UBAP2L: variants seen among roughly 807,000 people sequenced by gnomAD.
UBAP2L encodes ubiquitin associated protein 2 like, also known as ubiquitin-associated protein 2-like.
Under a neutral mutation model 130.6 loss-of-function variants are expected in UBAP2L, and 12 were observed. That is an observed-to-expected ratio of 0.09 (90% CI 0.06 to 0.15). The LOEUF (loss-of-function observed/expected upper bound fraction) is 0.15. Ranked by LOEUF, UBAP2L falls within the 10% of genes least tolerant of loss-of-function variation. The probability of loss-of-function intolerance (pLI) is 1.00; values close to 1 mark genes in which losing one functional copy is unlikely to be tolerated. For missense variants in UBAP2L, 965 were observed against 1,332.5 expected (o/e 0.72, Z 4.29); for synonymous variants, 503 against 524.7 (o/e 0.96, Z 0.57).
intron 16 of UBAP2L, 57 bp downstream of exon 16, chr1:154,254,947 G>T: frequency 6.4e-7 from 1 of 1,566,620 alleles, no homozygotes; most frequent in South Asian, 1.2e-5. Flanking sequence ...TCTTAAAATG[G>T]TGATAATCCA....
In UBAP2L at chr1:154,262,974, C is replaced by G. The variant is rs1237029881; in HGVS notation, c.2902+1277C>G. 11 of 857,922 alleles carry G rather than the reference C, an allele frequency of 1.3e-5. No individual in the cohort carries two copies. In the South Asian group the frequency reaches 2.0e-4, roughly 15 times the overall value. 53.1% of individuals were successfully genotyped at this position (857,922 alleles called of 1,614,324 possible). A position where few individuals can be genotyped will look rare whatever the true frequency, so the allele number is the denominator to read the frequency against. On this transcript the variant is annotated intron_variant, in intron 24 of 26. Transcript: ENST00000428931. ...AATTGGCATACCTGATTCTAGAAAT[C>G]CCACCTTCTTGCCTCCCTTCAGAAT...
intron 22 of UBAP2L, among the ~76,000 whole-genome samples, chr1:154,260,615 G>A (rs1467627167): frequency 2.0e-5 from 3 of 152,220 alleles, no homozygotes; most frequent in East Asian, 3.8e-4. Flanking sequence ...AGATGAAAGA[G>A]AACACAAGTG....
intron 25 of UBAP2L, 41 bp downstream of exon 25, chr1:154,266,609 C>T (rs1325438882): frequency 2.5e-6 from 4 of 1,594,488 alleles, no homozygotes; most frequent in Admixed American, 3.3e-5. Flanking sequence ...AAGAGATAGA[C>T]ATAGAGGAGG....
At chr1:154,267,402 C>T (rs891422087) in intron 25 of UBAP2L, among the ~76,000 whole-genome samples, 3 of 151,946 alleles carry the variant, frequency 2.0e-5, no homozygotes, top group East Asian at 3.9e-4. Context: ...GATCTGCCCA[C>T]CTTGGCCTCC....
intron 15 of UBAP2L, 162 bp from the exon 16 acceptor site, chr1:154,254,674 T>C (rs1016530718): frequency 1.3e-6 from 1 of 783,122 alleles, no homozygotes; most frequent in African/African-American, 1.8e-5. Context: ...CTATTTTGGT[T>C]TTTTGGATAG....
intron 25 of UBAP2L, among the ~76,000 whole-genome samples, chr1:154,267,953 G>A (rs1173311856): frequency 1.1e-4 from 14 of 132,284 alleles, no homozygotes; most frequent in Admixed American, 4.1e-4. Context: ...GTAATGGTGC[G>A]ATCTGGGCTC....
chr1:154,245,182 C>T (rs931551059), intron 10 of UBAP2L, among the ~76,000 whole-genome samples: 4 of 152,164 alleles, frequency 2.6e-5, no homozygotes, highest in Non-Finnish European at 5.9e-5. Flanking sequence ...GCTTTGGCCT[C>T]CCAAAGTGCC....
At chr1:154,233,018 C>CTT (rs1339953340) in intron 4 of UBAP2L, among the ~76,000 whole-genome samples, 9 of 148,426 alleles carry the variant, frequency 6.1e-5, no homozygotes, top group African/African-American at 2.0e-4. Context: ...ACCTTTTTTT[C>CTT]TTTTTTTTTT....
At chr1:154,251,427 C>T (rs1276747292) in intron 13 of UBAP2L, 54 bp from the exon 14 acceptor site, 1 of 1,582,454 alleles carries the variant, frequency 6.3e-7, no homozygotes, top group Non-Finnish European at 8.6e-7. Context: ...TTTTTTTAGT[C>T]TTTAGTAAGG....
chr1:154,257,380 G>A lies in UBAP2L; in HGVS notation c.2388G>A (p.Pro796=), dbSNP rs767595573. ...KAPPNLPPGV[P]PLLPNPYIMA... is the part of the protein sequence containing the mutation. The stretch of plus-strand genomic sequence containing the variant: ...CTCCCAACCTCCCTCCTGGGGTCCC[G>A]CCGTTGTTGCCTAATCCGTATATTA... Residue 796 remains proline (P), a synonymous_variant, in exon 20 of 27, where the codon CCG becomes CCA. Transcript: ENST00000428931. 6.8e-6 allele frequency: 11 copies of A among 1,613,394 alleles called. No homozygotes were observed. The highest frequency in any genetic ancestry group is 4.5e-5 in the East Asian group (2 of 44,902).
At chr1:154,236,804 A>T (rs1671837804) in intron 7 of UBAP2L, among the ~76,000 whole-genome samples, 193 bp downstream of exon 7, 1 of 152,160 alleles carries the variant, frequency 6.6e-6, no homozygotes, top group South Asian at 2.1e-4. Flanking sequence ...GAATCAATAT[A>T]CCTGTTCTTT....
rs1677464702 is a variant in UBAP2L, at chr1:154,251,072, C to A, written c.1245C>A (p.His415Gln). ...DLKNPSDSAVHSPFTKRQAFT... is the reference protein window; with the variant it reads ...DLKNPSDSAVQSPFTKRQAFT... The stretch of plus-strand genomic sequence containing the variant: ...AGAACCCAAGTGATTCAGCAGTGCA[C>A]AGCCCCTTTACAAAGCGCCAGGCTT... The change falls in exon 13 of 27, where the codon CAC becomes CAA. Residue 415 changes from histidine (H) to glutamine (Q), a missense_variant. Physicochemically the swap from His to Gln is conservative, Grantham distance 24. This residue lies in a region of UBAP2L where 74 missense variants were observed against 97.1 expected (regional missense o/e 0.76). Coordinates refer to ENST00000428931, the MANE Select transcript of UBAP2L (RefSeq NM_014847.4). 3.7e-6 allele frequency: 6 copies of A among 1,613,824 alleles called. No homozygotes were observed. Among genetic ancestry groups the A allele is most frequent in the Non-Finnish European group, 5.1e-6 (6 of 1,179,882 alleles).
At position 154,269,005 on chromosome 1, in the gene UBAP2L, T is replaced by G. The variant is rs368463347; in HGVS notation, c.3168+51T>G. ...TTCCCTTCCTCTTCCTTCCTATCCC[T>G]TAAAACTGCCTTCCCTTTCCTTTTC... On this transcript the variant is annotated intron_variant, in intron 26 of 26. Transcript: ENST00000428931. 14 of 1,596,196 alleles carry G rather than the reference T, an allele frequency of 8.8e-6. No homozygotes were observed. The African/African-American group carries it at 1.9e-4, about 21-fold the overall frequency.
At chr1:154,249,475 T>C in intron 12 of UBAP2L, 38 bp downstream of exon 12, 1 of 1,612,638 alleles carries the variant, frequency 6.2e-7, no homozygotes, top group Non-Finnish European at 8.5e-7. Flanking sequence ...TTTAAAGCAT[T>C]GGAGCATTAC....
At chr1:154,254,138 A>C in intron 15 of UBAP2L, 49 bp downstream of exon 15, 1 of 1,427,924 alleles carries the variant, frequency 7.0e-7, no homozygotes, top group East Asian at 2.6e-5. Flanking sequence ...ATAGTGGGCA[A>C]AAATTCCTTA....
Position 154,259,784 on chromosome 1 carries a change from A to C in UBAP2L, c.2497-164A>C, listed in dbSNP as rs571790169. The C allele has an allele frequency of 1.3e-4, 106 of 805,472 alleles. 1 individual carries two copies. Among genetic ancestry groups the C allele is most frequent in the Admixed American group, 7.7e-4 (45 of 58,480 alleles). 49.9% of individuals were successfully genotyped at this position (805,472 alleles called of 1,614,324 possible). On this transcript the variant is annotated intron_variant, in intron 21 of 26. Coordinates refer to ENST00000428931, the MANE Select transcript of UBAP2L (RefSeq NM_014847.4). ...CATGGCCAGGCAGGGGGGACAGTGT[A>C]TGCAAGAGTAATGTGGAGTTTGTGC...
chr1:154,259,159 GAATAT>G (rs1680651865), intron 21 of UBAP2L, 129 bp downstream of exon 21: 3 of 793,702 alleles, frequency 3.8e-6, no homozygotes, highest in Admixed American at 2.5e-5. Context: ...AGGCATATTA[GAATAT>G]AGGGATTTGG....
intron 23 of UBAP2L, 128 bp from the exon 24 acceptor site, chr1:154,261,464 A>G (rs1681522859): frequency 2.2e-6 from 2 of 895,766 alleles, no homozygotes; most frequent in Non-Finnish European, 3.6e-6. Flanking sequence ...TAATTTCACT[A>G]AGCAAACTGT....
chr1:154,230,327 A>T (rs921332917), intron 4 of UBAP2L, among the ~76,000 whole-genome samples: 1 of 152,224 alleles, frequency 6.6e-6, no homozygotes, highest in Non-Finnish European at 1.5e-5. Context: ...CAGCTTTCTG[A>T]TACTACAGAG....
Sources: gnomAD v4.1 joint callset for allele counts (sites outside exome capture counted in the v4.1 genomes callset) on GRCh38, gnomAD v4.1.1 for gene constraint, gnomAD v4.1.1 regional missense constraint, MANE v1.5 for transcripts, NCBI Gene and HGNC (gene_info 2026-07-23, HGNC 2026-07-21) for gene names.